The following ODAD2 variants were observed in gnomAD, a reference collection of about 807,000 sequenced individuals.
ODAD2 encodes outer dynein arm docking complex subunit 2, also known as outer dynein arm-docking complex subunit 2.
In ODAD2, 89 loss-of-function variants were observed where a neutral mutation model predicts 106.8. The observed-to-expected ratio is 0.83, with a 90% CI of 0.70 to 0.99. The LOEUF is 0.99. Among genes scored for constraint, ODAD2 ranks in the 50% least tolerant of loss-of-function variants. The pLI, the probability that ODAD2 is intolerant of heterozygous loss-of-function variation, is 0.00. For missense variants in ODAD2, 1,168 were observed against 1,238.5 expected, an observed-to-expected ratio of 0.94 and a Z score of 0.85; for synonymous variants, 404 against 436.2, an observed-to-expected ratio of 0.93 and a Z score of 0.92.
At chr10:27,863,959 T>C (rs1029749522) in intron 17 of ODAD2, among the ~76,000 whole-genome samples, 4 of 151,904 alleles carry the variant, frequency 2.6e-5, no homozygotes, top group South Asian at 2.1e-4. Context: ...GGGTTTGGAG[T>C]TCATTTTTAA....
chr10:27,857,042 T>C (rs1473376255), intron 19 of ODAD2, among the ~76,000 whole-genome samples: 1 of 152,152 alleles, frequency 6.6e-6, no homozygotes, highest in Non-Finnish European at 1.5e-5. Context: ...AATAACAATA[T>C]TTTGGATATA....
At chr10:27,902,898 A>T (rs529285166) in intron 17 of ODAD2, among the ~76,000 whole-genome samples, 4 of 152,296 alleles carry the variant, frequency 2.6e-5, no homozygotes, top group African/African-American at 9.6e-5. Context: ...ATTCCTTCTG[A>T]AACCATTCCA....
chr10:27,940,705 A>G lies in ODAD2; in HGVS notation c.1844T>C (p.Leu615Pro). 1 of 1,614,118 alleles carries G rather than the reference A, an allele frequency of 6.2e-7. No individual in the cohort carries two copies. The highest frequency in any genetic ancestry group is 8.5e-7 in the Non-Finnish European group (1 of 1,180,004). Reference protein sequence around the residue: ...VEVARCGALALWSCSKSHTNK... With the variant: ...VEVARCGALAPWSCSKSHTNK... Reference sequence around the variant, plus strand: ...CGTATGACTCTTACTGCAGCTCCACAGGGCCAGTGCCCCACAGCGAGCCAC... The same window carrying G: ...CGTATGACTCTTACTGCAGCTCCACGGGGCCAGTGCCCCACAGCGAGCCAC... The change falls in exon 13 of 20, where the codon CTG (leucine) becomes CCG (proline). Residue 615 changes from leucine (L) to proline (P), a missense_variant. This residue lies in a region of ODAD2 where 701 missense variants were observed against 712.3 expected (regional missense o/e 0.98). Coordinates refer to ENST00000305242, the MANE Select transcript of ODAD2 (RefSeq NM_018076.5).
At chr10:27,974,443 T>A (rs891113108) in intron 7 of ODAD2, among the ~76,000 whole-genome samples, 1 of 152,246 alleles carries the variant, frequency 6.6e-6, no homozygotes, top group Admixed American at 6.5e-5. Context: ...ATCTTCTGCA[T>A]ATGGCTAGCC....
chr10:27,854,904 CA>C lies in ODAD2; in HGVS notation c.3021+5720del. On this transcript the variant is annotated intron_variant, in intron 19 of 19. Coordinates refer to ENST00000305242, the MANE Select transcript of ODAD2 (RefSeq NM_018076.5). ...AATAAGTAAGCTGAGTGAAGGAAGC[CA>C]AACAAAAAAACCAAGTACTTACTGT... Among the ~76,000 whole-genome samples the C allele has an allele frequency of 2.0e-5, 3 of 152,042 alleles. No homozygotes were observed. The East Asian group carries it at 5.8e-4, about 29-fold the overall frequency.
chr10:27,953,733 A>G (rs925744921), intron 10 of ODAD2, among the ~76,000 whole-genome samples: 1 of 152,364 alleles, frequency 6.6e-6, no homozygotes, highest in East Asian at 1.9e-4. Context: ...ATGTATATAA[A>G]CAGAGAAACA....
At chr10:27,920,110 TC>T (rs1398521216) in intron 16 of ODAD2, among the ~76,000 whole-genome samples, 1 of 151,748 alleles carries the variant, frequency 6.6e-6, no homozygotes, top group Non-Finnish European at 1.5e-5. Flanking sequence ...AAAAGAGATA[TC>T]CCCAGAGTAG....
intron 17 of ODAD2, among the ~76,000 whole-genome samples, chr10:27,899,037 C>G (rs1034223227): frequency 6.6e-6 from 1 of 151,718 alleles, no homozygotes; most frequent in African/African-American, 2.4e-5. Context: ...CAAATAGGAA[C>G]AGCTCTGGTC....
chr10:27,901,150 G>T (rs1273555177), intron 17 of ODAD2, among the ~76,000 whole-genome samples: 1 of 152,158 alleles, frequency 6.6e-6, no homozygotes, highest in Non-Finnish European at 1.5e-5. Context: ...GAGAGTGGGG[G>T]CCAATATTCA....
chr10:27,883,428 T>G (rs1589913170), intron 17 of ODAD2, among the ~76,000 whole-genome samples: 3 of 149,112 alleles, frequency 2.0e-5, no homozygotes, highest in South Asian at 2.1e-4. Flanking sequence ...AAGGGGAGAG[T>G]CTGACTTCTA....
intron 19 of ODAD2, among the ~76,000 whole-genome samples, chr10:27,813,665 C>T (rs1835912658): frequency 6.6e-6 from 1 of 152,080 alleles, no homozygotes; most frequent in Non-Finnish European, 1.5e-5. Context: ...AGAAAAATAT[C>T]GTGAGATGTC....
chr10:27,985,662 T>G (rs999514103), intron 3 of ODAD2, among the ~76,000 whole-genome samples: 1 of 152,160 alleles, frequency 6.6e-6, no homozygotes, highest in African/African-American at 2.4e-5. Flanking sequence ...CTTTCCAAAA[T>G]AGCATGCTTT....
intron 19 of ODAD2, among the ~76,000 whole-genome samples, chr10:27,842,487 TAAC>T (rs1838380566): frequency 6.6e-6 from 1 of 152,208 alleles, no homozygotes; most frequent in Admixed American, 6.5e-5. Flanking sequence ...TACAATAAAT[TAAC>T]AAGCAATATA....
chr10:27,859,213 G>A lies in ODAD2; in HGVS notation c.3021+1412C>T, dbSNP rs1839871774. ...ATTCCTGAACAACTTGAAGTTAATGGTCCAATATGTTTTTTATAGTTTACT... is the reference window on the plus strand; with the variant it reads ...ATTCCTGAACAACTTGAAGTTAATGATCCAATATGTTTTTTATAGTTTACT... On this transcript the variant is annotated intron_variant, in intron 19 of 19. Coordinates refer to ENST00000305242, the MANE Select transcript of ODAD2 (RefSeq NM_018076.5). Among the ~76,000 whole-genome samples the A allele has an allele frequency of 2.0e-5, 3 of 151,924 alleles. No homozygotes were observed. The East Asian group carries it at 5.8e-4, about 29-fold the overall frequency.
chr10:27,817,560 C>T (rs2132815474), intron 19 of ODAD2, among the ~76,000 whole-genome samples: 1 of 152,278 alleles, frequency 6.6e-6, no homozygotes, highest in South Asian at 2.1e-4. Flanking sequence ...CCTTGTTTAG[C>T]TCTCACTAAT....
chr10:27,899,706 A>G (rs1843069906), intron 17 of ODAD2, among the ~76,000 whole-genome samples: 1 of 152,160 alleles, frequency 6.6e-6, no homozygotes, highest in Admixed American at 6.5e-5. Context: ...AGGAAGTTCG[A>G]ACTGGGCGGA....
intron 10 of ODAD2, among the ~76,000 whole-genome samples, chr10:27,947,828 G>A (rs1274487091): frequency 2.0e-5 from 3 of 152,208 alleles, no homozygotes; most frequent in Non-Finnish European, 4.4e-5. Context: ...ACGCAGTGAA[G>A]AAGACTGTCC....
intron 17 of ODAD2, among the ~76,000 whole-genome samples, chr10:27,867,056 A>G (rs1482333992): frequency 1.3e-5 from 2 of 152,094 alleles, no homozygotes; most frequent in Non-Finnish European, 2.9e-5. Context: ...CATTCTCCCT[A>G]TGAAAACAGT....
chr10:27,862,596 A>G lies in ODAD2; in HGVS notation c.2637T>C (p.Phe879=). ...AKDAGEMVRS[F]VGGLELIVNL... ...TGACAATAAGTTCCAAACCACCAAC[A>G]AAGGAACGAACCATTTCCCCAGCAT... Residue 879 remains phenylalanine, a synonymous_variant, in exon 18 of 20, where the codon TTT becomes TTC. Coordinates refer to ENST00000305242, the MANE Select transcript of ODAD2 (RefSeq NM_018076.5). 1 of 1,608,992 alleles carries G rather than the reference A, an allele frequency of 6.2e-7. No individual in the cohort carries two copies. The highest frequency in any genetic ancestry group is 8.5e-7 in the Non-Finnish European group (1 of 1,178,088).
Sources: gnomAD v4.1 joint callset for allele counts (sites outside exome capture counted in the v4.1 genomes callset) on GRCh38, gnomAD v4.1.1 for gene constraint, gnomAD v4.1.1 regional missense constraint, MANE v1.5 for transcripts, NCBI Gene and HGNC (gene_info 2026-07-23, HGNC 2026-07-21) for gene names.